The following DGLUCY variants were observed in gnomAD, a reference collection of about 807,000 sequenced individuals.
DGLUCY encodes the protein D-glutamate cyclase, mitochondrial.
A neutral mutation model predicts 58.5 loss-of-function variants in DGLUCY; 58 were observed. The ratio of observed to expected loss-of-function variants is 0.99; its 90% CI spans 0.80 to 1.23. DGLUCY has a LOEUF of 1.23. Ranked by LOEUF, DGLUCY falls within the 50% of genes most tolerant of loss-of-function variation. The pLI is 0.00. For synonymous variants in DGLUCY, 325 were observed against 314.1 expected (o/e 1.03, Z -0.37); for missense variants, 779 against 784.7 (o/e 0.99, Z 0.09).
Position 91,160,411 on chromosome 14 carries a change from G to C in DGLUCY, c.103+14G>C. On this transcript the variant is annotated intron_variant, in intron 3 of 13. Coordinates refer to ENST00000256324, the MANE Select transcript of DGLUCY (RefSeq NM_001102368.3). ...GCATGGCTGGAGGTAAGTGGTGCCA[G>C]ATAGTTAAAAAAAAAAAAAAAAAAA... is the stretch of plus-strand genomic sequence containing the variant. 7.4e-5 allele frequency: 43 copies of C among 582,034 alleles called. No individual in the cohort carries two copies. Among genetic ancestry groups the C allele is most frequent in the Non-Finnish European group, 1.0e-4 (37 of 370,514 alleles). 36.1% of individuals were successfully genotyped at this position (582,034 alleles called of 1,614,324 possible). A position where few individuals can be genotyped will look rare whatever the true frequency, so the allele number is the denominator to read the frequency against.
intron 1 of DGLUCY, among the ~76,000 whole-genome samples, chr14:91,091,477 AC>A (rs1373973035): frequency 6.6e-6 from 1 of 152,174 alleles, no homozygotes; most frequent in Non-Finnish European, 1.5e-5. Context: ...AGCCTAGATC[AC>A]GCCACTACAC....
intron 11 of DGLUCY, among the ~76,000 whole-genome samples, chr14:91,202,058 AAAT>A (rs10523866): frequency 7.0e-5 from 10 of 142,570 alleles, no homozygotes; most frequent in African/African-American, 2.4e-4. Context: ...TCTGTCTCAA[AAAT>A]AATAATAATA....
intron 3 of DGLUCY, among the ~76,000 whole-genome samples, chr14:91,161,265 T>A (rs2047964839): frequency 6.6e-6 from 1 of 152,064 alleles, no homozygotes; most frequent in Non-Finnish European, 1.5e-5. Context: ...AGAGACGGGG[T>A]TTCACCGTGT....
At chr14:91,165,135 C>T in intron 3 of DGLUCY, 1 of 407,940 alleles carries the variant, frequency 2.5e-6, no homozygotes, top group Non-Finnish European at 4.9e-6. Context: ...AGAATATGTC[C>T]AACACATTGT....
At position 91,158,633 on chromosome 14, in the gene DGLUCY, A is replaced by T. The variant is rs1050441057; in HGVS notation, c.-30+943A>T. Among the ~76,000 whole-genome samples the T allele has an allele frequency of 5.9e-5, 9 of 152,172 alleles. No individual in the cohort carries two copies. In the South Asian group the frequency reaches 6.2e-4, roughly 11 times the overall value. ...GTCAGGCTTGTCCAGAACCCTCACT[A>T]TGGGCACTGTCCTTGAATCCTGCTC... On this transcript the variant is annotated intron_variant, in intron 2 of 13. Transcript: ENST00000256324.
chr14:91,074,036 G>A lies in DGLUCY; in HGVS notation c.-82+13332G>A, dbSNP rs546819590. ...CTTGGGAAGTAGAGGTGGGCAGATT[G>A]CTTGATCCCAGGAGTTTGAGACCAG... On this transcript the variant is annotated intron_variant, in intron 1 of 4. Transcript: ENST00000521334. Among the ~76,000 whole-genome samples the A allele has an allele frequency of 3.4e-5, 5 of 148,332 alleles. No homozygotes were observed. The South Asian group carries it at 6.3e-4, about 19-fold the overall frequency.
chr14:91,118,844 A>G (rs1249713100), intron 1 of DGLUCY, among the ~76,000 whole-genome samples: 1 of 152,158 alleles, frequency 6.6e-6, no homozygotes, highest in Non-Finnish European at 1.5e-5. Flanking sequence ...GGGGCCAGGC[A>G]CGGTGGCTCA....
intron 1 of DGLUCY, among the ~76,000 whole-genome samples, chr14:91,077,861 A>T (rs189150576): frequency 6.6e-6 from 1 of 151,784 alleles, no homozygotes; most frequent in African/African-American, 2.4e-5. Flanking sequence ...GAATGAAGGA[A>T]GAAAGGAAGG....
intron 1 of DGLUCY, among the ~76,000 whole-genome samples, chr14:91,075,127 C>G (rs1202238481): frequency 6.6e-6 from 1 of 151,186 alleles, no homozygotes; most frequent in African/African-American, 2.4e-5. Flanking sequence ...AACTTCTTTC[C>G]CCTTGGATCT....
At chr14:91,195,228 G>C (rs1448458601) in intron 9 of DGLUCY, among the ~76,000 whole-genome samples, 1 of 152,168 alleles carries the variant, frequency 6.6e-6, no homozygotes, top group Non-Finnish European at 1.5e-5. Flanking sequence ...CTTAAGCTCT[G>C]TGTGAAGACT....
At chr14:91,096,353 C>T (rs761351718) in intron 1 of DGLUCY, among the ~76,000 whole-genome samples, 21 of 149,892 alleles carry the variant, frequency 1.4e-4, no homozygotes, top group African/African-American at 4.7e-4. Context: ...AGCTGGGAGG[C>T]GGAGGTTGCA....
chr14:91,065,302 AT>A (rs2043802296), intron 1 of DGLUCY, among the ~76,000 whole-genome samples: 1 of 152,154 alleles, frequency 6.6e-6, no homozygotes, highest in African/African-American at 2.4e-5. Context: ...CAACTTACAT[AT>A]CCCCTCTGGG....
At chr14:91,111,274 C>CTATA (rs1245318145), upstream of DGLUCY, among the ~76,000 whole-genome samples, 1 of 116,838 alleles carries the variant, frequency 8.6e-6, no homozygotes, top group African/African-American at 3.0e-5. Flanking sequence ...CTATATCTAT[C>CTATA]TATATATATA....
At chr14:91,221,173 A>G (rs556326303) in intron 13 of DGLUCY, among the ~76,000 whole-genome samples, 20 of 152,314 alleles carry the variant, frequency 1.3e-4, no homozygotes, top group Non-Finnish European at 1.5e-5. Flanking sequence ...GGAATATGCC[A>G]TCAGCCCAGG....
chr14:91,184,953 G>T (rs931855968), intron 8 of DGLUCY, among the ~76,000 whole-genome samples: 6 of 151,960 alleles, frequency 3.9e-5, no homozygotes, highest in African/African-American at 1.5e-4. Flanking sequence ...ATCTTACATA[G>T]TTGATCCCCT....
At chr14:91,100,470 T>G (rs2044466836) in intron 1 of DGLUCY, among the ~76,000 whole-genome samples, 1 of 152,222 alleles carries the variant, frequency 6.6e-6, no homozygotes, top group African/African-American at 2.4e-5. Context: ...GGCACCTACT[T>G]AGGACCTTGG....
intron 1 of DGLUCY, among the ~76,000 whole-genome samples, chr14:91,121,010 C>T (rs543763826): frequency 1.1e-4 from 16 of 152,286 alleles, no homozygotes; most frequent in African/African-American, 3.6e-4. Context: ...CATGCTCCCT[C>T]CCAAGCATCT....
chr14:91,133,151 C>T (rs916692732), intron 1 of DGLUCY, among the ~76,000 whole-genome samples: 11 of 151,828 alleles, frequency 7.2e-5, no homozygotes, highest in Non-Finnish European at 5.9e-5. Context: ...AAAAATTAGC[C>T]GGGCGTGGTA....
At chr14:91,086,384 T>C (rs1017420339) in intron 1 of DGLUCY, among the ~76,000 whole-genome samples, 11 of 152,120 alleles carry the variant, frequency 7.2e-5, no homozygotes, top group African/African-American at 2.2e-4. Context: ...GCCAAAAAAA[T>C]TGGGGACTGC....
Sources: gnomAD v4.1 joint callset for allele counts (sites outside exome capture counted in the v4.1 genomes callset) on GRCh38, gnomAD v4.1.1 for gene constraint, MANE v1.5 for transcripts, NCBI Gene and HGNC (gene_info 2026-07-23, HGNC 2026-07-21) for gene names.